Variants in ANKS1B observed in about 807,000 individuals in gnomAD.
ANKS1B encodes the protein ankyrin repeat and sterile alpha motif domain-containing protein 1B.
A neutral mutation model predicts 148.3 loss-of-function variants in ANKS1B; 36 were observed. The ratio of observed to expected loss-of-function variants is 0.24; its 90% CI spans 0.19 to 0.32. The LOEUF is 0.32. Among genes scored for constraint, ANKS1B ranks in the 10% least tolerant of loss-of-function variants. ANKS1B has a pLI of 1.00. For missense variants in ANKS1B, 1,157 were observed against 1,542.6 expected, an observed-to-expected ratio of 0.75 and a Z score of 4.19; for synonymous variants, 542 against 560.8, an observed-to-expected ratio of 0.97 and a Z score of 0.47.
At chr12:98,758,941 ATTTT>A (rs35016362) in intron 25 of ANKS1B, among the ~76,000 whole-genome samples, 1 of 135,850 alleles carries the variant, frequency 7.4e-6, no homozygotes. Context: ...CGCCTGGCTA[ATTTT>A]TTTTTTTTTT....
At chr12:99,425,040 G>A (rs757659275) in intron 11 of ANKS1B, among the ~76,000 whole-genome samples, 18 of 151,840 alleles carry the variant, frequency 1.2e-4, no homozygotes, top group Non-Finnish European at 1.6e-4. Context: ...TTCTGACCAC[G>A]AGGCACCCCT....
chr12:99,087,445 G>T (rs1466936104), intron 15 of ANKS1B, among the ~76,000 whole-genome samples: 1 of 152,090 alleles, frequency 6.6e-6, no homozygotes, highest in East Asian at 1.9e-4. Flanking sequence ...ATAATGAAAA[G>T]CCTAATGAAA....
At chr12:98,918,259 G>C (rs1358763558) in intron 17 of ANKS1B, among the ~76,000 whole-genome samples, 1 of 152,248 alleles carries the variant, frequency 6.6e-6, no homozygotes, top group Non-Finnish European at 1.5e-5. Flanking sequence ...GAAGCAGAAA[G>C]AGAATCAGGC....
At chr12:99,537,860 A>T (rs1200925050) in intron 9 of ANKS1B, among the ~76,000 whole-genome samples, 1 of 152,068 alleles carries the variant, frequency 6.6e-6, no homozygotes, top group African/African-American at 2.4e-5. Context: ...AATTTCCCCA[A>T]AGTTTTCTTA....
chr12:99,160,664 T>C (rs950057523), intron 14 of ANKS1B, among the ~76,000 whole-genome samples: 3 of 152,108 alleles, frequency 2.0e-5, no homozygotes, highest in East Asian at 1.9e-4. Context: ...AGGATTCTTA[T>C]AGTTTGAGGT....
intron 17 of ANKS1B, among the ~76,000 whole-genome samples, chr12:98,990,005 G>GAAGA (rs954876760): frequency 6.6e-6 from 1 of 151,114 alleles, no homozygotes; most frequent in South Asian, 2.1e-4. Flanking sequence ...ACAGAGAAAG[G>GAAGA]AAGAAAGAAA....
At position 99,044,292 on chromosome 12, in the gene ANKS1B, T is replaced by A. The variant is rs115896847; in HGVS notation, c.2778+8865A>T. ...AAGAACAAAAATCTTCATGCCAAAT[T>A]AGCAAGATACAGGAAAAAAGGTAAG... On this transcript the variant is annotated intron_variant, in intron 17 of 26. Transcript: ENST00000683438. 8.0e-3 allele frequency among the ~76,000 whole-genome samples: 1,191 copies of A among 149,450 alleles called. 18 individuals are homozygous for A. Among genetic ancestry groups the A allele is most frequent in the African/African-American group, 0.028 (1,124 of 40,184 alleles).
intron 1 of ANKS1B, among the ~76,000 whole-genome samples, chr12:99,838,214 G>A (rs1396692684): frequency 6.6e-6 from 1 of 151,968 alleles, no homozygotes; most frequent in Non-Finnish European, 1.5e-5. Flanking sequence ...CTTTGCTATT[G>A]TCAATAGTGC....
At chr12:99,027,524 C>G (rs1465872044) in intron 17 of ANKS1B, among the ~76,000 whole-genome samples, 1 of 152,178 alleles carries the variant, frequency 6.6e-6, no homozygotes, top group Non-Finnish European at 1.5e-5. Context: ...TTCATGGCTA[C>G]TCAGAGGACT....
intron 1 of ANKS1B, among the ~76,000 whole-genome samples, chr12:99,963,275 C>A (rs2153832911): frequency 6.6e-6 from 1 of 152,226 alleles, no homozygotes; most frequent in Admixed American, 6.5e-5. Context: ...GGGTAGATTG[C>A]AAAAATTTTC....
chr12:99,231,206 G>C (rs2086787225), intron 14 of ANKS1B, among the ~76,000 whole-genome samples: 1 of 152,100 alleles, frequency 6.6e-6, no homozygotes, highest in African/African-American at 2.4e-5. Flanking sequence ...TATGTGGCCT[G>C]TGTTTTGGGA....
At chr12:99,043,953 C>T (rs1004339804) in intron 17 of ANKS1B, among the ~76,000 whole-genome samples, 1 of 152,156 alleles carries the variant, frequency 6.6e-6, no homozygotes, top group African/African-American at 2.4e-5. Context: ...TCTGGCTTTC[C>T]TTTCATCTGT....
chr12:99,651,493 G>A (rs2098419150), intron 9 of ANKS1B, among the ~76,000 whole-genome samples: 1 of 151,996 alleles, frequency 6.6e-6, no homozygotes, highest in Admixed American at 6.6e-5. Context: ...TTATATTCAA[G>A]GACTGTCAGC....
chr12:99,521,200 G>A lies in ANKS1B; in HGVS notation c.1273-16559C>T, dbSNP rs570955117. 9.2e-5 allele frequency among the ~76,000 whole-genome samples: 14 copies of A among 152,092 alleles called. No individual in the cohort carries two copies. The South Asian group carries it at 1.3e-3, about 14-fold the overall frequency. On this transcript the variant is annotated intron_variant, in intron 9 of 26. Coordinates refer to ENST00000683438, the MANE Select transcript of ANKS1B (RefSeq NM_001352186.2). ...ATGCATTCTTCAGTGTGTTGATTGC[G>A]TTTTTTCAGCTCCAGAATTTCTACT...
intron 15 of ANKS1B, among the ~76,000 whole-genome samples, chr12:99,116,677 A>G (rs2061503391): frequency 6.6e-6 from 1 of 151,984 alleles, no homozygotes; most frequent in Non-Finnish European, 1.5e-5. Flanking sequence ...TCTTGGCTAT[A>G]TGGGCTCTTT....
At chr12:99,280,499 C>A (rs1250918213) in intron 12 of ANKS1B, among the ~76,000 whole-genome samples, 2 of 152,090 alleles carry the variant, frequency 1.3e-5, no homozygotes, top group Non-Finnish European at 2.9e-5. Flanking sequence ...TTTATGTTAA[C>A]CTGATGGGGC....
intron 15 of ANKS1B, among the ~76,000 whole-genome samples, chr12:99,141,893 TC>T (rs2070956315): frequency 6.6e-6 from 1 of 152,074 alleles, no homozygotes; most frequent in African/African-American, 2.4e-5. Flanking sequence ...CTGATAACTT[TC>T]CCATGGAGCA....
intron 19 of ANKS1B, among the ~76,000 whole-genome samples, chr12:98,827,338 C>T (rs1298735078): frequency 6.6e-6 from 1 of 152,164 alleles, no homozygotes; most frequent in Non-Finnish European, 1.5e-5. Context: ...AGCAGTCACT[C>T]GATCATCGTT....
At chr12:99,071,374 T>C (rs1349306009) in intron 16 of ANKS1B, among the ~76,000 whole-genome samples, 2 of 152,238 alleles carry the variant, frequency 1.3e-5, no homozygotes, top group African/African-American at 4.8e-5. Flanking sequence ...CTTATTTCAA[T>C]TGTATGGTAA....
Sources: gnomAD v4.1 joint callset for allele counts (sites outside exome capture counted in the v4.1 genomes callset) on GRCh38, gnomAD v4.1.1 for gene constraint, MANE v1.5 for transcripts, NCBI Gene and HGNC (gene_info 2026-07-23, HGNC 2026-07-21) for gene names.